Variants in ATRNL1 observed in about 807,000 individuals in gnomAD.
The protein encoded by ATRNL1 is attractin like 1.
ATRNL1 carries 95 observed loss-of-function variants against 182.7 expected under a neutral mutation model. The ratio of observed to expected loss-of-function variants is 0.52; its 90% CI spans 0.44 to 0.62. The LOEUF is 0.62. ATRNL1 is among the 20% of genes least tolerant of loss of function. The pLI, the probability that ATRNL1 is intolerant of heterozygous loss-of-function variation, is 0.00. For missense variants in ATRNL1, 1,471 were observed against 1,679.5 expected, an observed-to-expected ratio of 0.88 and a Z score of 2.17; for synonymous variants, 576 against 568.3, an observed-to-expected ratio of 1.01 and a Z score of -0.19.
chr10:115,656,402 A>T (rs1179539228), intron 26 of ATRNL1, among the ~76,000 whole-genome samples: 1 of 152,120 alleles, frequency 6.6e-6, no homozygotes, highest in Non-Finnish European at 1.5e-5. Flanking sequence ...TCTGTATGGG[A>T]TTCTCTGGCT....
At chr10:115,810,455 T>G (rs1950021567) in intron 27 of ATRNL1, among the ~76,000 whole-genome samples, 1 of 151,958 alleles carries the variant, frequency 6.6e-6, no homozygotes, top group East Asian at 1.9e-4. Context: ...ACAAATTCTT[T>G]TATTTTTCCA....
intron 8 of ATRNL1, among the ~76,000 whole-genome samples, chr10:115,194,252 A>G (rs114239761): frequency 0.016 from 2,369 of 151,828 alleles, 49 homozygotes; most frequent in African/African-American, 0.053. Flanking sequence ...TTCTTTGTTG[A>G]TTTTCTGTCT....
chr10:115,920,802 C>A (rs1236661809), intron 28 of ATRNL1, among the ~76,000 whole-genome samples: 10 of 152,006 alleles, frequency 6.6e-5, no homozygotes, highest in Non-Finnish European at 1.3e-4. Context: ...TCGTTTAAAC[C>A]CAGTATTACG....
intron 14 of ATRNL1, among the ~76,000 whole-genome samples, chr10:115,284,438 T>A (rs1554917955): frequency 6.6e-6 from 1 of 152,204 alleles, no homozygotes; most frequent in Non-Finnish European, 1.5e-5. Context: ...TTAAAAGGAC[T>A]GTGAAAATTG....
At chr10:115,580,721 G>A (rs547560053) in intron 26 of ATRNL1, among the ~76,000 whole-genome samples, 1 of 150,564 alleles carries the variant, frequency 6.6e-6, no homozygotes, top group Admixed American at 6.6e-5. Context: ...CTCCTATAAT[G>A]TATGTAATTG....
chr10:115,689,082 G>A (rs1946310780), intron 26 of ATRNL1, among the ~76,000 whole-genome samples: 1 of 152,106 alleles, frequency 6.6e-6, no homozygotes, highest in Non-Finnish European at 1.5e-5. Flanking sequence ...TATGTTCTTG[G>A]TAGCTTTGTT....
At chr10:115,213,855 C>T (rs1474037022) in intron 8 of ATRNL1, among the ~76,000 whole-genome samples, 1 of 151,910 alleles carries the variant, frequency 6.6e-6, no homozygotes, top group Non-Finnish European at 1.5e-5. Flanking sequence ...TTTATTGCAC[C>T]ATTGTTTCTA....
chr10:115,193,707 G>T (rs1430367721), intron 8 of ATRNL1, among the ~76,000 whole-genome samples: 1 of 150,928 alleles, frequency 6.6e-6, no homozygotes. Context: ...TTTAATTTCT[G>T]CTCTGATCTT....
chr10:115,911,879 C>T (rs1555115991), intron 28 of ATRNL1, among the ~76,000 whole-genome samples: 1 of 152,158 alleles, frequency 6.6e-6, no homozygotes. Flanking sequence ...TCCCGTGTTT[C>T]TCCCCGTTCC....
intron 19 of ATRNL1, among the ~76,000 whole-genome samples, chr10:115,340,287 T>TA (rs1855679502): frequency 1.3e-5 from 2 of 151,824 alleles, no homozygotes; most frequent in Non-Finnish European, 1.5e-5. Flanking sequence ...GGACTGCAGG[T>TA]ATGTGCCAAC....
intron 24 of ATRNL1, among the ~76,000 whole-genome samples, chr10:115,508,178 G>T (rs12269430): frequency 0.015 from 2,320 of 152,014 alleles, 54 homozygotes; most frequent in African/African-American, 0.053. Flanking sequence ...GCTCCTCGAT[G>T]TTACTTTTGT....
intron 24 of ATRNL1, among the ~76,000 whole-genome samples, chr10:115,513,014 T>G (rs1850463677): frequency 6.6e-6 from 1 of 151,992 alleles, no homozygotes; most frequent in South Asian, 2.1e-4. Context: ...TTGTAAACTT[T>G]CTTAAAACAT....
At chr10:115,483,790 C>T (rs1281462284) in intron 24 of ATRNL1, among the ~76,000 whole-genome samples, 2 of 151,466 alleles carry the variant, frequency 1.3e-5, no homozygotes, top group African/African-American at 2.4e-5. Flanking sequence ...ATTTTATATG[C>T]TAGGTCAATG....
chr10:115,246,051 AAAGAAAAAATAACCTTTTATTTTGAGG>A (rs1850624065), intron 10 of ATRNL1, among the ~76,000 whole-genome samples: 1 of 152,186 alleles, frequency 6.6e-6, no homozygotes, highest in South Asian at 2.1e-4. Context: ...CCACTAAATA[AAAGAAAAAATAACCTTTTATTTTGAGG>A]AAAGGATGAA....
intron 28 of ATRNL1, among the ~76,000 whole-genome samples, chr10:115,935,327 A>C (rs768668025): frequency 4.3e-4 from 66 of 152,320 alleles, no homozygotes; most frequent in Middle Eastern, 3.4e-3. Flanking sequence ...TGCCTGGCTT[A>C]TTGTAAGCAT....
At chr10:115,381,709 G>C (rs930505452) in intron 19 of ATRNL1, among the ~76,000 whole-genome samples, 5 of 151,886 alleles carry the variant, frequency 3.3e-5, no homozygotes, top group Admixed American at 3.3e-4. Context: ...TATTTTTAAA[G>C]ACTGATCCAG....
At chr10:115,286,424 G>T in intron 15 of ATRNL1, 27 bp downstream of exon 15, 3 of 1,334,132 alleles carry the variant, frequency 2.2e-6, no homozygotes, top group Non-Finnish European at 2.0e-6. Flanking sequence ...TTTACATTAT[G>T]GAAATATGCT....
At chr10:115,746,471 A>T (rs1218979733) in intron 27 of ATRNL1, among the ~76,000 whole-genome samples, 1 of 152,034 alleles carries the variant, frequency 6.6e-6, no homozygotes, top group African/African-American at 2.4e-5. Flanking sequence ...GTTTTACTTT[A>T]TTAGCATACT....
chr10:115,201,970 A>G (rs1243693695), intron 8 of ATRNL1, among the ~76,000 whole-genome samples: 1 of 151,620 alleles, frequency 6.6e-6, no homozygotes, highest in Admixed American at 6.6e-5. Context: ...TGGATTCCTA[A>G]GTATTTTATT....
Sources: allele counts gnomAD v4.1 joint callset (sites outside exome capture counted in the v4.1 genomes callset), GRCh38; gene constraint gnomAD v4.1.1; transcripts MANE v1.5; gene names NCBI Gene and HGNC (gene_info 2026-07-23, HGNC 2026-07-21).